DYNC2H1: variants seen among roughly 807,000 people sequenced by gnomAD.
DYNC2H1 encodes cytoplasmic dynein 2 heavy chain 1.
A neutral mutation model predicts 570.0 loss-of-function variants in DYNC2H1; 410 were observed. The observed-to-expected ratio is 0.72, with a 90% confidence interval of 0.66 to 0.78. DYNC2H1 has a LOEUF of 0.78. Ranked by LOEUF, DYNC2H1 falls within the 30% of genes least tolerant of loss-of-function variation. The probability of loss-of-function intolerance (pLI) is 0.00; values close to 1 mark genes in which losing one functional copy is unlikely to be tolerated. For synonymous variants in DYNC2H1, 1,688 were observed against 1,677.6 expected (o/e 1.01, Z -0.15); for missense variants, 4,865 against 5,046.4 (o/e 0.96, Z 1.09).
chr11:103,416,785 G>A (rs1943299485), intron 84 of DYNC2H1, among the ~76,000 whole-genome samples: 1 of 110,692 alleles, frequency 9.0e-6, no homozygotes, highest in Admixed American at 9.3e-5. Context: ...ATTGACAAAT[G>A]GGATCTAATT....
chr11:103,462,626 C>T (rs988323151), intron 87 of DYNC2H1, among the ~76,000 whole-genome samples: 3 of 152,122 alleles, frequency 2.0e-5, no homozygotes, highest in Admixed American at 2.0e-4. Flanking sequence ...TTATGAAATA[C>T]ATTTTTTGTT....
intron 84 of DYNC2H1, among the ~76,000 whole-genome samples, chr11:103,433,618 A>C (rs2135747415): frequency 6.6e-6 from 1 of 152,270 alleles, no homozygotes; most frequent in South Asian, 2.1e-4. Flanking sequence ...AAACTGCCAC[A>C]GTCTGCCCTC....
At chr11:103,255,576 T>A in intron 67 of DYNC2H1, 42 bp downstream of exon 67, 1 of 1,494,376 alleles carries the variant, frequency 6.7e-7, no homozygotes, top group Non-Finnish European at 8.9e-7. Flanking sequence ...CGTATTACTT[T>A]TTTTTTAATG....
chr11:103,467,638 C>T (rs558400553), intron 87 of DYNC2H1, among the ~76,000 whole-genome samples: 1 of 152,246 alleles, frequency 6.6e-6, no homozygotes, highest in South Asian at 2.1e-4. Context: ...CCCGGATTCA[C>T]TCCATTCTCC....
intron 18 of DYNC2H1, among the ~76,000 whole-genome samples, chr11:103,143,940 G>C (rs899309735): frequency 6.6e-6 from 1 of 152,200 alleles, no homozygotes; most frequent in African/African-American, 2.4e-5. Context: ...AAGGCCTTGT[G>C]TAATCATGCA....
intron 75 of DYNC2H1, among the ~76,000 whole-genome samples, chr11:103,300,843 T>C (rs1867017234): frequency 6.6e-6 from 1 of 151,916 alleles, no homozygotes; most frequent in Non-Finnish European, 1.5e-5. Context: ...CATTTTAGCT[T>C]TTTTAGACAG....
intron 83 of DYNC2H1, among the ~76,000 whole-genome samples, chr11:103,392,872 A>G (rs187748367): frequency 7.0e-6 from 1 of 142,234 alleles, no homozygotes; most frequent in African/African-American, 2.6e-5. Flanking sequence ...TCACACTCTT[A>G]TATTCCTGAA....
At chr11:103,309,732 A>T (rs1011883643) in intron 78 of DYNC2H1, among the ~76,000 whole-genome samples, 2 of 152,122 alleles carry the variant, frequency 1.3e-5, no homozygotes, top group African/African-American at 4.8e-5. Flanking sequence ...TGCATGAGCC[A>T]TGAGGGCAGG....
At chr11:103,365,357 G>A (rs1306370956) in intron 83 of DYNC2H1, among the ~76,000 whole-genome samples, 5 of 109,890 alleles carry the variant, frequency 4.6e-5, no homozygotes, top group Non-Finnish European at 1.1e-4. Flanking sequence ...GCGAAATTCC[G>A]GCTCAGGAAA....
intron 77 of DYNC2H1, 128 bp from the exon 78 acceptor site, chr11:103,307,593 C>A: frequency 3.8e-6 from 2 of 524,796 alleles, no homozygotes; most frequent in Non-Finnish European, 3.3e-6. Flanking sequence ...GAAATATAAC[C>A]AGAGCATTAA....
At chr11:103,161,548 T>A (rs1861093699) in intron 29 of DYNC2H1, among the ~76,000 whole-genome samples, 1 of 152,056 alleles carries the variant, frequency 6.6e-6, no homozygotes, top group Non-Finnish European at 1.5e-5. Flanking sequence ...CCTCAAAAAG[T>A]TTTAGATTTT....
In DYNC2H1 at chr11:103,215,862, A is replaced by G. The variant is rs760118581; in HGVS notation, c.8832+4A>G. 3.1e-6 allele frequency: 5 copies of G among 1,608,372 alleles called. No homozygotes were observed. The highest frequency in any genetic ancestry group is 3.4e-6 in the Non-Finnish European group (4 of 1,177,666). ...AATGATCACAGTGTCAATGCAGGTAATGTTTAGAGTGACCACAAAAATGAA... is the reference window on the plus strand; with the variant it reads ...AATGATCACAGTGTCAATGCAGGTAGTGTTTAGAGTGACCACAAAAATGAA... On this transcript the variant is annotated splice_donor_region_variant and intron_variant, in intron 55 of 88. Transcript: ENST00000375735.
chr11:103,132,158 C>G (rs1859312092), intron 13 of DYNC2H1, among the ~76,000 whole-genome samples: 1 of 152,018 alleles, frequency 6.6e-6, no homozygotes, highest in Non-Finnish European at 1.5e-5. Flanking sequence ...TCTTTTGTCT[C>G]AAGGGCCTCT....
chr11:103,116,631 A>G lies in DYNC2H1; in HGVS notation c.683A>G (p.Gln228Arg), dbSNP rs1326023978. Residue 228 changes from glutamine (Q) to arginine (R), a missense_variant, in exon 5 of 89, where the codon CAG becomes CGG. By Grantham distance (43) the Gln-to-Arg change is conservative. This residue lies in a region of DYNC2H1 where 1,936 missense variants were observed against 1,962.1 expected (regional missense o/e 0.99). Transcript: ENST00000375735. ...GTTGTTGACTTGGTGGAGACTACTC[A>G]GGATGTTGTAGATGATGTGTGGAGA... ...LEVVDLVETT[Q>R]DVVDDVWRQT... 1.9e-6 allele frequency: 3 copies of G among 1,609,922 alleles called. No individual in the cohort carries two copies. Among genetic ancestry groups the G allele is most frequent in the East Asian group, 2.2e-5 (1 of 44,692 alleles).
At position 103,241,143 on chromosome 11, in the gene DYNC2H1, C is replaced by T. The variant is rs1864409004; in HGVS notation, c.9820-2550C>T. 6.6e-6 allele frequency among the ~76,000 whole-genome samples: 1 copy of T among 152,128 alleles called. No homozygotes were observed. The highest frequency in any genetic ancestry group is 1.5e-5 in the Non-Finnish European group (1 of 68,026). On this transcript the variant is annotated intron_variant, in intron 63 of 88. Transcript: ENST00000375735. This position sits in a 1 kb window ranked among gnomAD's most constrained non-coding sequence, Gnocchi z 5.1. ...CATCCTTCAGTAGCAACTTGTGCACCTCTTGATGATGAAATTTTTATTTTT... is the reference window on the plus strand; with the variant it reads ...CATCCTTCAGTAGCAACTTGTGCACTTCTTGATGATGAAATTTTTATTTTT...
chr11:103,220,683 A>G lies in DYNC2H1; in HGVS notation c.9007A>G (p.Ile3003Val), dbSNP rs367832579. 94 of 1,612,708 alleles carry G rather than the reference A, an allele frequency of 5.8e-5. No individual in the cohort carries two copies. The African/African-American group carries it at 1.2e-3, about 20-fold the overall frequency. Residue 3003 changes from isoleucine (I) to valine (V), a missense_variant, in exon 57 of 89, where the codon ATT (isoleucine) becomes GTT (valine). Physicochemically the swap from Ile to Val is conservative, Grantham distance 29. Coordinates refer to ENST00000375735, the MANE Select transcript of DYNC2H1 (RefSeq NM_001377.3). ...GNIKPESLSE[I>V]RSLRMPPDVI... is the part of the protein sequence containing the mutation. ...CATTAAGCCCGAATCACTTTCAGAA[A>G]TTCGCTCACTACGCATGCCACCTGA...
At chr11:103,425,435 A>C (rs1275925647) in intron 84 of DYNC2H1, among the ~76,000 whole-genome samples, 1 of 151,964 alleles carries the variant, frequency 6.6e-6, no homozygotes, top group Non-Finnish European at 1.5e-5. Context: ...GAAAGAGTGC[A>C]GGCTAGCTCT....
intron 85 of DYNC2H1, among the ~76,000 whole-genome samples, chr11:103,453,633 TATATATATAC>T (rs1389970455): frequency 2.8e-5 from 3 of 106,748 alleles, no homozygotes; most frequent in Admixed American, 1.2e-4. Flanking sequence ...TATATATATA[TATATATATAC>T]ACACATTCAT....
chr11:103,434,255 T>C (rs1943988088), intron 84 of DYNC2H1, among the ~76,000 whole-genome samples: 1 of 152,106 alleles, frequency 6.6e-6, no homozygotes, highest in African/African-American at 2.4e-5. Context: ...GGGAGTTTGC[T>C]ATGAATCTCA....
Sources: allele counts gnomAD v4.1 joint callset (sites outside exome capture counted in the v4.1 genomes callset), GRCh38; gene constraint gnomAD v4.1.1; regional missense constraint gnomAD v4.1.1; non-coding constraint Gnocchi (gnomAD v3.1); transcripts MANE v1.5; gene names NCBI Gene and HGNC (gene_info 2026-07-23, HGNC 2026-07-21).